Variants in AIG1 observed in about 807,000 individuals in gnomAD.
The protein encoded by AIG1 is androgen-induced gene 1 protein.
In AIG1, 23 loss-of-function variants were observed where a neutral mutation model predicts 31.4. That is an observed-to-expected ratio of 0.73 (90% CI 0.53 to 1.04). The LOEUF is 1.04. AIG1 is among the 50% of genes least tolerant of loss of function. The pLI is 0.00. For missense variants in AIG1, 274 were observed against 295.0 expected (o/e 0.93, Z 0.52); for synonymous variants, 100 against 110.5 (o/e 0.90, Z 0.60).
intron 5 of AIG1, among the ~76,000 whole-genome samples, chr6:143,337,485 G>A (rs937964247): frequency 6.6e-6 from 1 of 152,030 alleles, no homozygotes; most frequent in Admixed American, 6.5e-5. Context: ...AGTTTGGCGG[G>A]GTGGAGCGCG....
chr6:143,143,500 CAAAAAAAAAAAAA>C (rs60620136), intron 2 of AIG1, among the ~76,000 whole-genome samples: 17 of 27,480 alleles, frequency 6.2e-4, no homozygotes, highest in African/African-American at 2.2e-3. Flanking sequence ...GACTTCATCT[CAAAAAAAAAAAAA>C]AAAAAAAAAA....
chr6:143,119,080 C>A (rs1562394707), intron 1 of AIG1, among the ~76,000 whole-genome samples: 1 of 152,026 alleles, frequency 6.6e-6, no homozygotes, highest in Non-Finnish European at 1.5e-5. Flanking sequence ...CATCATGTTG[C>A]CCAGGCTGGT....
intron 3 of AIG1, among the ~76,000 whole-genome samples, chr6:143,254,067 G>C (rs1795197490): frequency 6.6e-6 from 1 of 152,178 alleles, no homozygotes; most frequent in South Asian, 2.1e-4. Flanking sequence ...CTTCTGTGCA[G>C]GGAGAAAGCG....
rs1241624998 is a variant in AIG1, at chr6:143,326,784, G to A, written c.516-6498G>A. On this transcript the variant is annotated intron_variant, in intron 4 of 5. Coordinates refer to ENST00000357847, the MANE Select transcript of AIG1 (RefSeq NM_016108.4). This position sits in a 1 kb window ranked among gnomAD's most constrained non-coding sequence, Gnocchi z 4.5. ...TGGTGGCTAACTAACAGTACAGGCA[G>A]AAAGAAGAATATGTGAAAACCCACA... Among the ~76,000 whole-genome samples, 1 of 152,144 alleles carries A rather than the reference G, an allele frequency of 6.6e-6. No individual in the cohort carries two copies. Among genetic ancestry groups the A allele is most frequent in the Non-Finnish European group, 1.5e-5 (1 of 68,022 alleles).
intron 3 of AIG1, among the ~76,000 whole-genome samples, chr6:143,217,566 T>C (rs1441066315): frequency 1.3e-5 from 2 of 151,952 alleles, no homozygotes; most frequent in Non-Finnish European, 2.9e-5. Flanking sequence ...TGGAGTGGAG[T>C]GGTGTGATCT....
At chr6:143,212,526 G>C (rs1159801618) in intron 3 of AIG1, among the ~76,000 whole-genome samples, 1 of 152,130 alleles carries the variant, frequency 6.6e-6, no homozygotes, top group Non-Finnish European at 1.5e-5. Flanking sequence ...ATGACTTCCA[G>C]ACACGTTTTA....
rs188138742 is a variant in AIG1, at chr6:143,174,143, C to T, written c.399+8960C>T. The stretch of plus-strand genomic sequence containing the variant: ...AGTCCTTTTATCGTTATATAATTTC[C>T]CTCTTTAAAGCAACTGCTGTTGCTT... On this transcript the variant is annotated intron_variant, in intron 3 of 5. Coordinates refer to ENST00000357847, the MANE Select transcript of AIG1 (RefSeq NM_016108.4). Among the ~76,000 whole-genome samples, 192 of 152,202 alleles carry T rather than the reference C, an allele frequency of 1.3e-3. 1 individual carries two copies. Among genetic ancestry groups the T allele is most frequent in the African/African-American group, 4.3e-3 (180 of 41,510 alleles).
intron 2 of AIG1, among the ~76,000 whole-genome samples, chr6:143,158,038 C>T (rs1785970154): frequency 6.6e-6 from 1 of 152,188 alleles, no homozygotes; most frequent in South Asian, 2.1e-4. Context: ...CTATTTTCCA[C>T]TACTGCCTTT....
chr6:143,101,818 A>C (rs749690256), intron 1 of AIG1, among the ~76,000 whole-genome samples: 1 of 152,172 alleles, frequency 6.6e-6, no homozygotes, highest in Non-Finnish European at 1.5e-5. Flanking sequence ...TAAGAAATTA[A>C]TAATAATAAT....
chr6:143,163,096 G>T (rs955272401), intron 2 of AIG1, among the ~76,000 whole-genome samples: 2 of 152,126 alleles, frequency 1.3e-5, no homozygotes, highest in Admixed American at 6.5e-5. Flanking sequence ...AAGCTTTCAG[G>T]TGACATGAGT....
intron 3 of AIG1, among the ~76,000 whole-genome samples, chr6:143,217,258 A>G (rs1409519207): frequency 2.0e-5 from 3 of 152,020 alleles, no homozygotes; most frequent in Non-Finnish European, 4.4e-5. Flanking sequence ...TTGTTGTGTT[A>G]ATGATGTTCA....
chr6:143,245,658 G>A (rs1284731105), intron 3 of AIG1, among the ~76,000 whole-genome samples: 1 of 152,180 alleles, frequency 6.6e-6, no homozygotes, highest in Non-Finnish European at 1.5e-5. Flanking sequence ...TCTTCATCCA[G>A]CTTTTTCCTA....
chr6:143,235,656 C>A (rs1384659987), intron 3 of AIG1, among the ~76,000 whole-genome samples: 2 of 152,160 alleles, frequency 1.3e-5, no homozygotes, highest in Non-Finnish European at 2.9e-5. Context: ...CTGGCTGAGG[C>A]CCCTATAACA....
downstream of AIG1, among the ~76,000 whole-genome samples, chr6:143,343,660 T>TGGGC (rs1777901526): frequency 6.6e-6 from 1 of 152,204 alleles, no homozygotes; most frequent in African/African-American, 2.4e-5. Flanking sequence ...GCCCTCACTA[T>TGGGC]ATTTTCTCAA....
chr6:143,194,707 C>T (rs12665506), intron 3 of AIG1, among the ~76,000 whole-genome samples: 6,468 of 152,256 alleles, frequency 0.042, 479 homozygotes, highest in East Asian at 0.31. Flanking sequence ...CCCCAGTACC[C>T]CTGGAGAACC....
At chr6:143,200,524 T>C (rs536978946) in intron 3 of AIG1, among the ~76,000 whole-genome samples, 1 of 152,258 alleles carries the variant, frequency 6.6e-6, no homozygotes, top group African/African-American at 2.4e-5. Context: ...CCCAGAATGT[T>C]TCCACTGCTT....
Position 143,126,579 on chromosome 6 carries a change from C to T in AIG1, c.142-10256C>T, listed in dbSNP as rs954127549. On this transcript the variant is annotated intron_variant, in intron 1 of 5. Coordinates refer to ENST00000357847, the MANE Select transcript of AIG1 (RefSeq NM_016108.4). Reference sequence around the variant, plus strand: ...TTTATAGAACTGCTATTTTATGGCTCTTATATCCTTTCCATGCATTATTTA... The same window carrying T: ...TTTATAGAACTGCTATTTTATGGCTTTTATATCCTTTCCATGCATTATTTA... Among the ~76,000 whole-genome samples, 8 of 152,184 alleles carry T rather than the reference C, an allele frequency of 5.3e-5. No homozygotes were observed. In the South Asian group the frequency reaches 8.3e-4, roughly 16 times the overall value.
At chr6:143,296,333 T>C (rs55645989) in intron 4 of AIG1, among the ~76,000 whole-genome samples, 2,718 of 152,192 alleles carry the variant, frequency 0.018, 41 homozygotes, top group Non-Finnish European at 0.027. Context: ...AATAAAAACA[T>C]TCCACATAGA....
At chr6:143,324,430 T>A (rs980303670) in intron 4 of AIG1, among the ~76,000 whole-genome samples, 1 of 152,226 alleles carries the variant, frequency 6.6e-6, no homozygotes, top group Admixed American at 6.5e-5. Context: ...ACAGGGAGAT[T>A]TTATACTTAG....
Sources: gnomAD v4.1 joint callset for allele counts (sites outside exome capture counted in the v4.1 genomes callset) on GRCh38, gnomAD v4.1.1 for gene constraint, Gnocchi (gnomAD v3.1) non-coding constraint, MANE v1.5 for transcripts, NCBI Gene and HGNC (gene_info 2026-07-23, HGNC 2026-07-21) for gene names.